ASS1: variants seen among roughly 807,000 people sequenced by gnomAD.
ASS1 encodes argininosuccinate synthase 1, also known as argininosuccinate synthase.
A neutral mutation model predicts 60.5 loss-of-function variants in ASS1; 58 were observed. That is an observed-to-expected ratio of 0.96 (90% CI 0.78 to 1.19). The LOEUF is 1.19. Ranked by LOEUF, ASS1 falls within the 50% of genes most tolerant of loss-of-function variation. The pLI is 0.00. For synonymous variants in ASS1, 200 were observed against 206.9 expected (o/e 0.97, Z 0.29); for missense variants, 454 against 547.3 (o/e 0.83, Z 1.70).
rs115154705 is a variant in ASS1 at position 130,465,466 on chromosome 9, T to C, written c.421-1259T>C. ...TATTAATGTTTACATTCTTTTTTCT[T>C]CTGTGTTGAGTCTGCAAGACCCAGA... On this transcript the variant is annotated intron_variant, in intron 5 of 14. Transcript: ENST00000352480. Among the ~76,000 whole-genome samples the C allele has an allele frequency of 8.1e-3, 1,237 of 152,370 alleles. 12 individuals carry two copies. Among genetic ancestry groups the C allele is most frequent in the African/African-American group, 0.028 (1,154 of 41,586 alleles).
At chr9:130,465,429 TA>T (rs373182846) in intron 5 of ASS1, among the ~76,000 whole-genome samples, 4 of 152,264 alleles carry the variant, frequency 2.6e-5, no homozygotes, top group East Asian at 1.9e-4. Context: ...ATAATCAATG[TA>T]AAAAAATAAT....
intron 11 of ASS1, among the ~76,000 whole-genome samples, chr9:130,486,747 G>A (rs1846314062): frequency 6.6e-6 from 1 of 152,190 alleles, no homozygotes; most frequent in Admixed American, 6.5e-5. Flanking sequence ...GCACCTGGTT[G>A]CTCTGAGGGG....
Position 130,494,891 on chromosome 9 carries a change from A to G in ASS1, c.995A>G (p.Glu332Gly), listed in dbSNP as rs1484802218. 1 of 1,613,320 alleles carries G rather than the reference A, an allele frequency of 6.2e-7. No homozygotes were observed. Among genetic ancestry groups the G allele is most frequent in the East Asian group, 2.2e-5 (1 of 44,860 alleles). ...GGTTTCTGGCACAGCCCTGAGTGTG[A>G]ATTTGTCCGCCACTGCATCGCCAAG... is the stretch of plus-strand genomic sequence containing the variant. ...YTGFWHSPECEFVRHCIAKSQ... is the reference protein window; with the variant it reads ...YTGFWHSPECGFVRHCIAKSQ... The change falls in exon 13 of 15, where the codon GAA becomes GGA. Residue 332 changes from glutamate (E) to glycine (G), a missense_variant. Transcript: ENST00000352480. The surrounding 1 kb of genome is among the most constrained non-coding windows in gnomAD (Gnocchi z 4.3).
chr9:130,445,086 C>A, intron 1 of ASS1, 91 bp downstream of exon 1: 1 of 944,526 alleles, frequency 1.1e-6, no homozygotes, highest in Non-Finnish European at 1.3e-6. Flanking sequence ...AAGACGCCCG[C>A]CCCGGGGCCC....
rs993263746 is a variant in ASS1, at chr9:130,459,007, G to A, written c.363+418G>A. Among the ~76,000 whole-genome samples, 2 of 152,242 alleles carry A rather than the reference G, an allele frequency of 1.3e-5. No individual in the cohort carries two copies. Among genetic ancestry groups the A allele is most frequent in the African/African-American group, 2.4e-5 (1 of 41,466 alleles). Reference sequence around the variant, plus strand: ...GGCTTGCCGTGTGTCCTCAGCCAGGGCCCTTCTCCCCTTCCTGAACCTCAG... The same window carrying A: ...GGCTTGCCGTGTGTCCTCAGCCAGGACCCTTCTCCCCTTCCTGAACCTCAG... On this transcript the variant is annotated intron_variant, in intron 4 of 14. Transcript: ENST00000352480. This position sits in a 1 kb window ranked among gnomAD's most constrained non-coding sequence, Gnocchi z 4.6.
intron 8 of ASS1, among the ~76,000 whole-genome samples, chr9:130,471,845 G>T (rs1342617529): frequency 6.6e-6 from 1 of 152,204 alleles, no homozygotes; most frequent in Non-Finnish European, 1.5e-5. Context: ...ACACTTGGGG[G>T]AGGGCCCAGC....
rs986044574 is a variant in ASS1, at chr9:130,478,670, G to T, written c.689-1046G>T. Among the ~76,000 whole-genome samples, 2 of 152,310 alleles carry T rather than the reference G, an allele frequency of 1.3e-5. No individual in the cohort carries two copies. Among genetic ancestry groups the T allele is most frequent in the South Asian group, 4.1e-4 (2 of 4,826 alleles). On this transcript the variant is annotated intron_variant, in intron 9 of 14. Transcript: ENST00000352480. This position sits in a 1 kb window ranked among gnomAD's most constrained non-coding sequence, Gnocchi z 4.7. ...TTCTCCCGGGCAGGCCCCATCTAAG[G>T]CCCCAGCGAAGGCCGATAATAGGAC...
intron 5 of ASS1, among the ~76,000 whole-genome samples, chr9:130,465,504 C>A (rs1315395207): frequency 6.6e-6 from 1 of 152,220 alleles, no homozygotes; most frequent in Non-Finnish European, 1.5e-5. Flanking sequence ...GTGCTGCATG[C>A]AGGCATGTCT....
At position 130,455,511 on chromosome 9, in the gene ASS1, T is replaced by TCC. The variant is rs569661513; in HGVS notation, c.174+1139_174+1140dup. Reference sequence around the variant, plus strand: ...CTTCTGTCCATCATCCCCCTACCTGTCCTTCCCTCTTTTATCTCTCTGTCT... The same window carrying TCC: ...CTTCTGTCCATCATCCCCCTACCTGTCCCCTTCCCTCTTTTATCTCTCTGTCT... On this transcript the variant is annotated intron_variant, in intron 3 of 14. Coordinates refer to ENST00000352480, the MANE Select transcript of ASS1 (RefSeq NM_054012.4). Among the ~76,000 whole-genome samples, 8 of 152,382 alleles carry TCC rather than the reference T, an allele frequency of 5.2e-5. No homozygotes were observed. In the South Asian group the frequency reaches 1.7e-3, roughly 32 times the overall value.
chr9:130,490,843 A>T (rs1846431724), intron 12 of ASS1, among the ~76,000 whole-genome samples: 1 of 152,000 alleles, frequency 6.6e-6, no homozygotes, highest in Non-Finnish European at 1.5e-5. Flanking sequence ...CTTCCCACCC[A>T]CCTCCATAAC....
Position 130,489,256 on chromosome 9 carries a change from TG to T in ASS1, c.839-76del. The T allele has an allele frequency of 1.9e-6, 3 of 1,561,014 alleles. No individual in the cohort carries two copies. Among genetic ancestry groups the T allele is most frequent in the South Asian group, 2.3e-5 (2 of 88,116 alleles). ...TCATTATTATTATTATTTTTTTTTT[TG>T]TCATTTGCTGACAGTTTGGGTTTCA... On this transcript the variant is annotated intron_variant, in intron 11 of 14. Transcript: ENST00000352480. This position sits in a 1 kb window ranked among gnomAD's most constrained non-coding sequence, Gnocchi z 4.1.
In ASS1 at chr9:130,474,790, G is replaced by A. The variant is rs574441013; in HGVS notation, c.598-2081G>A. On this transcript the variant is annotated intron_variant, in intron 8 of 14. Coordinates refer to ENST00000352480, the MANE Select transcript of ASS1 (RefSeq NM_054012.4). ...CAGCTGGGAACCAGCATAAGGTGGC[G>A]GAAAGAGTCCCTGTGTTTAGCTTCC... Among the ~76,000 whole-genome samples, 11 of 152,360 alleles carry A rather than the reference G, an allele frequency of 7.2e-5. No individual in the cohort carries two copies. In the South Asian group the frequency reaches 1.2e-3, roughly 17 times the overall value.
chr9:130,465,859 C>T (rs540121997), intron 5 of ASS1, among the ~76,000 whole-genome samples: 21 of 152,316 alleles, frequency 1.4e-4, no homozygotes, highest in East Asian at 7.7e-4. Context: ...GGCCGCAGGA[C>T]GGGGCCCTCC....
chr9:130,451,471 T>C (rs1417715180), intron 1 of ASS1: 1 of 269,098 alleles, frequency 3.7e-6, no homozygotes, highest in Non-Finnish European at 7.3e-6. Context: ...ATTGGCAGAG[T>C]TGAATTCAGA....
chr9:130,498,414 C>T (rs1271877393), intron 13 of ASS1, among the ~76,000 whole-genome samples: 1 of 152,126 alleles, frequency 6.6e-6, no homozygotes, highest in East Asian at 1.9e-4. Context: ...AGTCCACGTG[C>T]CCTAAGTGCT....
At chr9:130,466,852 G>T in intron 6 of ASS1, 53 bp downstream of exon 6, 1 of 1,586,044 alleles carries the variant, frequency 6.3e-7, no homozygotes. Flanking sequence ...CCCCCTTCCC[G>T]GGCACGTCCC....
chr9:130,475,363 C>G (rs1845988182), intron 8 of ASS1, among the ~76,000 whole-genome samples: 1 of 152,154 alleles, frequency 6.6e-6, no homozygotes, highest in African/African-American at 2.4e-5. Context: ...TATATATATA[C>G]TACTTAAATT....
chr9:130,489,242 A>ATTTTTTTTTTTTTTTTTTT lies in ASS1; in HGVS notation c.839-89_839-88insTTTTTTTTTTTTTTTTTTT. On this transcript the variant is annotated intron_variant, in intron 11 of 14. Coordinates refer to ENST00000352480, the MANE Select transcript of ASS1 (RefSeq NM_054012.4). This position sits in a 1 kb window ranked among gnomAD's most constrained non-coding sequence, Gnocchi z 4.1. ...TCCTGTCAGACGACTCATTATTATT[A>ATTTTTTTTTTTTTTTTTTT]TTATTTTTTTTTTTGTCATTTGCTG... 8.1e-7 allele frequency: 1 copy of ATTTTTTTTTTTTTTTTTTT among 1,228,418 alleles called. No homozygotes were observed. Among genetic ancestry groups the ATTTTTTTTTTTTTTTTTTT allele is most frequent in the Non-Finnish European group, 1.1e-6 (1 of 875,230 alleles). The allele number at this position is 1,228,418 out of a possible 1,614,324, so 76.1% of individuals were successfully genotyped here.
chr9:130,454,637 T>G (rs1845398153), intron 3 of ASS1, among the ~76,000 whole-genome samples: 1 of 152,150 alleles, frequency 6.6e-6, no homozygotes, highest in Non-Finnish European at 1.5e-5. Context: ...TCTCTGTCCA[T>G]CTATGCACCC....
Sources: gnomAD v4.1 joint callset for allele counts (sites outside exome capture counted in the v4.1 genomes callset) on GRCh38, gnomAD v4.1.1 for gene constraint, Gnocchi (gnomAD v3.1) non-coding constraint, MANE v1.5 for transcripts, NCBI Gene and HGNC (gene_info 2026-07-23, HGNC 2026-07-21) for gene names.